TLN2: variants seen among roughly 807,000 people sequenced by gnomAD.
TLN2 encodes talin 2, also known as talin-2.
A neutral mutation model predicts 294.7 loss-of-function variants in TLN2; 118 were observed. The observed-to-expected ratio is 0.40, with a 90% CI of 0.34 to 0.47. The LOEUF is 0.47. Among genes scored for constraint, TLN2 ranks in the 20% least tolerant of loss-of-function variants. TLN2 has a pLI of 0.84. For synonymous variants in TLN2, 1,431 were observed against 1,304.5 expected (o/e 1.10, Z -2.09); for missense variants, 3,083 against 3,282.2 (o/e 0.94, Z 1.48).
intron 19 of TLN2, among the ~76,000 whole-genome samples, chr15:62,705,552 A>C (rs2059007302): frequency 6.6e-6 from 1 of 152,206 alleles, no homozygotes; most frequent in Admixed American, 6.5e-5. Context: ...AATTCTAACA[A>C]AGTCCTTTAG....
chr15:62,506,722 A>C (rs947954294), intron 1 of TLN2, among the ~76,000 whole-genome samples: 1 of 152,236 alleles, frequency 6.6e-6, no homozygotes, highest in African/African-American at 2.4e-5. Context: ...TAAATAACTA[A>C]GCAACTTGAG....
chr15:62,783,719 C>CTG (rs2064386096), intron 44 of TLN2, 52 bp from the exon 45 acceptor site: 3 of 1,458,236 alleles, frequency 2.1e-6, no homozygotes, highest in African/African-American at 3.1e-5. Context: ...ATGCGTTTCT[C>CTG]TCTGTGTGTG....
intron 1 of TLN2, among the ~76,000 whole-genome samples, chr15:62,462,033 C>T (rs1424108075): frequency 3.3e-5 from 5 of 151,960 alleles, no homozygotes; most frequent in East Asian, 1.9e-4. Flanking sequence ...CCAGCCTGGC[C>T]GATATGGTGA....
Position 62,717,643 on chromosome 15 carries a change from C to T in TLN2, c.2831C>T (p.Ser944Phe). The T allele has an allele frequency of 6.2e-7, 1 of 1,605,112 alleles. No homozygotes were observed. The highest frequency in any genetic ancestry group is 2.2e-5 in the East Asian group (1 of 44,516). Residue 944 changes from serine to phenylalanine, a missense_variant, in exon 24 of 59, where the codon TCC (serine) becomes TTC (phenylalanine). Coordinates refer to ENST00000636159, the MANE Select transcript of TLN2 (RefSeq NM_015059.3). Reference sequence around the variant, plus strand: ...GCCGCCTCCCAGAATGCAGCTGTTTCCAACAAGAACCCTGCGGCCCAGCAG... The same window carrying T: ...GCCGCCTCCCAGAATGCAGCTGTTTTCAACAAGAACCCTGCGGCCCAGCAG... ...TIAASQNAAV[S>F]NKNPAAQQQL...
intron 52 of TLN2, among the ~76,000 whole-genome samples, chr15:62,815,806 C>T (rs2067063730): frequency 6.6e-6 from 1 of 152,176 alleles, no homozygotes; most frequent in Admixed American, 6.5e-5. Flanking sequence ...ACAGTTTATC[C>T]TATTTGCTTC....
At chr15:62,525,200 A>T (rs577415621) in intron 1 of TLN2, among the ~76,000 whole-genome samples, 49 of 152,298 alleles carry the variant, frequency 3.2e-4, no homozygotes, top group African/African-American at 1.1e-3. Context: ...TGTCTCTCAC[A>T]TGTGTTTAAT....
At chr15:62,627,900 C>T (rs1228863687) in intron 3 of TLN2, among the ~76,000 whole-genome samples, 4 of 152,068 alleles carry the variant, frequency 2.6e-5, no homozygotes, top group Non-Finnish European at 1.5e-5. Flanking sequence ...TTTCCTTTGC[C>T]TGTGTCATGT....
intron 26 of TLN2, among the ~76,000 whole-genome samples, chr15:62,722,726 C>T (rs572661986): frequency 6.6e-6 from 1 of 152,170 alleles, no homozygotes; most frequent in South Asian, 2.1e-4. Context: ...GAGTTGTGTA[C>T]TTCCTCCTCC....
intron 1 of TLN2, among the ~76,000 whole-genome samples, chr15:62,528,184 TA>T (rs2040841777): frequency 6.6e-6 from 1 of 152,232 alleles, no homozygotes; most frequent in East Asian, 1.9e-4. Flanking sequence ...AGCCAAAATA[TA>T]ATTTAAATTG....
At chr15:62,408,476 A>G (rs1296198648) in intron 1 of TLN2, among the ~76,000 whole-genome samples, 1 of 152,178 alleles carries the variant, frequency 6.6e-6, no homozygotes, top group African/African-American at 2.4e-5. Flanking sequence ...TATTAATGCA[A>G]TATTGTCACT....
Position 62,689,846 on chromosome 15 carries a change from C to CTTTTTTTTTTTTTTTTTTTTTTTT in TLN2, c.1114-2986_1114-2963dup, listed in dbSNP as rs1158144919. On this transcript the variant is annotated intron_variant, in intron 12 of 58. Coordinates refer to ENST00000636159, the MANE Select transcript of TLN2 (RefSeq NM_015059.3). ...TTTTCAAAATTCTTGGTATGGGCTT[C>CTTTTTTTTTTTTTTTTTTTTTTTT]TTTTTTTTTTTTTTTTTTTTTTTTT... Among the ~76,000 whole-genome samples, 16 of 15,414 alleles carry CTTTTTTTTTTTTTTTTTTTTTTTT rather than the reference C, an allele frequency of 1.0e-3. 8 individuals are homozygous for CTTTTTTTTTTTTTTTTTTTTTTTT. The highest frequency in any genetic ancestry group is 2.1e-3 in the Non-Finnish European group (14 of 6,514). The allele number at this position is 15,414 out of a possible 152,430, so 10.1% of individuals were successfully genotyped here.
chr15:62,840,291 G>T (rs1289383629), intron 58 of TLN2, among the ~76,000 whole-genome samples, 191 bp from the exon 59 acceptor site: 2 of 152,122 alleles, frequency 1.3e-5, no homozygotes, highest in Non-Finnish European at 2.9e-5. Context: ...GTGTTTTCAT[G>T]GCTCAGCTGG....
intron 1 of TLN2, among the ~76,000 whole-genome samples, chr15:62,450,697 C>G (rs578184145): frequency 6.6e-6 from 1 of 152,042 alleles, no homozygotes; most frequent in South Asian, 2.1e-4. Flanking sequence ...GCCTTAGCCT[C>G]CTGAGTAGCT....
At chr15:62,509,560 G>C (rs1418009503) in intron 1 of TLN2, among the ~76,000 whole-genome samples, 1 of 152,196 alleles carries the variant, frequency 6.6e-6, no homozygotes, top group Non-Finnish European at 1.5e-5. Context: ...GTGTGGGTGC[G>C]AGGGTCATCC....
rs2051470934 is a variant in TLN2, at chr15:62,643,837, C to T, written c.-36-3438C>T. On this transcript the variant is annotated intron_variant, in intron 3 of 58. Transcript: ENST00000636159. ...AGCCACTCACCTTCTCCGCAATAGA[C>T]CCGGGCAGCCATGTGCACTTGGTGC... Among the ~76,000 whole-genome samples, 9 of 152,074 alleles carry T rather than the reference C, an allele frequency of 5.9e-5. No individual in the cohort carries two copies. The South Asian group carries it at 1.9e-3, about 32-fold the overall frequency.
chr15:62,792,242 T>A (rs187767544), intron 45 of TLN2, among the ~76,000 whole-genome samples: 2 of 152,334 alleles, frequency 1.3e-5, no homozygotes, highest in East Asian at 3.9e-4. Context: ...TTAAACACAT[T>A]ACCTGCTTAG....
At chr15:62,709,963 G>C (rs1242574697) in intron 21 of TLN2, among the ~76,000 whole-genome samples, 1 of 152,088 alleles carries the variant, frequency 6.6e-6, no homozygotes, top group Non-Finnish European at 1.5e-5. Context: ...TCGAACTCCT[G>C]ACCTCAGGTG....
At chr15:62,727,748 A>C (rs1452098461) in intron 28 of TLN2, among the ~76,000 whole-genome samples, 2 of 152,220 alleles carry the variant, frequency 1.3e-5, no homozygotes, top group African/African-American at 4.8e-5. Context: ...AAAGCAGAAA[A>C]GTTATACAAT....
At chr15:62,775,417 C>T (rs1050035123) in intron 42 of TLN2, among the ~76,000 whole-genome samples, 9 of 152,134 alleles carry the variant, frequency 5.9e-5, no homozygotes, top group South Asian at 2.1e-4. Flanking sequence ...ATGTCTGTGC[C>T]GTGAAATCAG....
Sources: gnomAD v4.1 joint callset for allele counts (sites outside exome capture counted in the v4.1 genomes callset) on GRCh38, gnomAD v4.1.1 for gene constraint, MANE v1.5 for transcripts, NCBI Gene and HGNC (gene_info 2026-07-23, HGNC 2026-07-21) for gene names.